Variants in SPTBN1 observed in about 807,000 individuals in gnomAD.
The protein encoded by SPTBN1 is spectrin beta, non-erythrocytic 1.
In SPTBN1, 32 loss-of-function variants were observed where a neutral mutation model predicts 266.4. The ratio of observed to expected loss-of-function variants is 0.12; its 90% confidence interval spans 0.09 to 0.16. The LOEUF (loss-of-function observed/expected upper bound fraction) is 0.16, where lower values mean the gene tolerates loss of function less well. Among genes scored for constraint, SPTBN1 ranks in the 10% least tolerant of loss-of-function variants. The pLI, the probability that SPTBN1 is intolerant of heterozygous loss-of-function variation, is 1.00. For synonymous variants in SPTBN1, 1,336 were observed against 1,162.2 expected (o/e 1.15, Z -3.04); for missense variants, 2,296 against 3,067.1 (o/e 0.75, Z 5.94).
At chr2:54,568,259 T>C (rs1673803024) in intron 2 of SPTBN1, among the ~76,000 whole-genome samples, 1 of 148,612 alleles carries the variant, frequency 6.7e-6, no homozygotes, top group East Asian at 2.0e-4. Flanking sequence ...CGCACATGTG[T>C]AATCCCAGCT....
intron 26 of SPTBN1, chr2:54,652,977 G>C (rs1305942089): frequency 2.0e-5 from 3 of 151,780 alleles, no homozygotes; most frequent in African/African-American, 7.3e-5. Context: ...TGTACCATTG[G>C]CTCCATTTAC....
At chr2:54,579,912 T>C (rs1203238445) in intron 2 of SPTBN1, among the ~76,000 whole-genome samples, 2 of 152,256 alleles carry the variant, frequency 1.3e-5, no homozygotes, top group African/African-American at 2.4e-5. Context: ...ACCTCTGTGC[T>C]GAACTTGAAT....
intron 34 of SPTBN1, 38 bp downstream of exon 34, chr2:54,666,126 T>C (rs754545266): frequency 6.3e-7 from 1 of 1,575,296 alleles, no homozygotes; most frequent in South Asian, 1.2e-5. Context: ...CAGAGTGGGT[T>C]TGCATTTACT....
At chr2:54,494,931 T>A (rs374197482) in intron 1 of SPTBN1, among the ~76,000 whole-genome samples, 1 of 147,836 alleles carries the variant, frequency 6.8e-6, no homozygotes, top group African/African-American at 2.5e-5. Context: ...AAAAAAAAAA[T>A]GTCCTGAAAA....
chr2:54,522,351 T>G (rs1376602371), intron 1 of SPTBN1, among the ~76,000 whole-genome samples: 1 of 152,096 alleles, frequency 6.6e-6, no homozygotes, highest in African/African-American at 2.4e-5. Context: ...ATCTGTGGGC[T>G]GGGCAAGGTA....
intron 1 of SPTBN1, among the ~76,000 whole-genome samples, chr2:54,458,100 G>A (rs545120357): frequency 3.9e-5 from 6 of 152,308 alleles, no homozygotes; most frequent in Non-Finnish European, 8.8e-5. Flanking sequence ...TTTTTTCTAC[G>A]TGAAAAGTTG....
At chr2:54,656,884 G>C (rs553404020) in intron 29 of SPTBN1, among the ~76,000 whole-genome samples, 1 of 152,178 alleles carries the variant, frequency 6.6e-6, no homozygotes, top group Non-Finnish European at 1.5e-5. Context: ...GCACCAGCTT[G>C]TACACCAGGG....
At chr2:54,532,911 A>G (rs1573357076) in intron 2 of SPTBN1, among the ~76,000 whole-genome samples, 1 of 152,110 alleles carries the variant, frequency 6.6e-6, no homozygotes, top group Non-Finnish European at 1.5e-5. Context: ...CTTCTTAACT[A>G]TTTCTCGGAT....
At chr2:54,637,188 G>C (rs190979759) in intron 17 of SPTBN1, among the ~76,000 whole-genome samples, 2 of 152,152 alleles carry the variant, frequency 1.3e-5, no homozygotes, top group Admixed American at 6.5e-5. Flanking sequence ...AAGTGGGATT[G>C]AGTTAGTATA....
At chr2:54,667,752 T>A (rs1681458701) in intron 35 of SPTBN1, 106 bp downstream of exon 35, 2 of 1,054,980 alleles carry the variant, frequency 1.9e-6, no homozygotes, top group South Asian at 2.7e-5. Context: ...TGATCAGTGA[T>A]GGTTTCTATC....
At position 54,626,599 on chromosome 2, in the gene SPTBN1, G is replaced by A. The variant is rs1432181617; in HGVS notation, c.1644+365G>A. On this transcript the variant is annotated intron_variant, in intron 12 of 35. Transcript: ENST00000356805. This position sits in a 1 kb window ranked among gnomAD's most constrained non-coding sequence, Gnocchi z 4.7. ...GGTACTACTTTGGGCAGGGGTCCCGGAGAGGTGGTATGGGGAGAAGGGAGG... is the reference window on the plus strand; with the variant it reads ...GGTACTACTTTGGGCAGGGGTCCCGAAGAGGTGGTATGGGGAGAAGGGAGG... Among the ~76,000 whole-genome samples, 1 of 152,210 alleles carries A rather than the reference G, an allele frequency of 6.6e-6. No individual in the cohort carries two copies. The highest frequency in any genetic ancestry group is 2.4e-5 in the African/African-American group (1 of 41,460).
chr2:54,600,722 T>G (rs1676443621), intron 3 of SPTBN1, among the ~76,000 whole-genome samples: 1 of 151,724 alleles, frequency 6.6e-6, no homozygotes, highest in East Asian at 1.9e-4. Context: ...TGATTTTTTT[T>G]TTTTTTTTGT....
chr2:54,483,995 G>C (rs1668222879), intron 1 of SPTBN1, among the ~76,000 whole-genome samples: 1 of 152,126 alleles, frequency 6.6e-6, no homozygotes, highest in African/African-American at 2.4e-5. Flanking sequence ...AGGGGTTCGA[G>C]ACCAGCCTGG....
intron 2 of SPTBN1, among the ~76,000 whole-genome samples, chr2:54,557,208 C>G (rs1487904879): frequency 1.3e-5 from 2 of 152,136 alleles, no homozygotes; most frequent in Non-Finnish European, 2.9e-5. Context: ...GGACAGGATG[C>G]AGTTACTTCA....
chr2:54,603,656 C>G (rs942141180), intron 3 of SPTBN1, among the ~76,000 whole-genome samples: 6 of 152,142 alleles, frequency 3.9e-5, no homozygotes, highest in African/African-American at 1.4e-4. Context: ...AACTAATACT[C>G]CTCTGAAAGC....
At chr2:54,482,225 C>T (rs957423022) in intron 1 of SPTBN1, among the ~76,000 whole-genome samples, 7 of 151,962 alleles carry the variant, frequency 4.6e-5, no homozygotes, top group Non-Finnish European at 8.8e-5. Context: ...TAAAAAAATG[C>T]AGGTGTCAGC....
At chr2:54,640,627 C>G (rs1055527704) in intron 18 of SPTBN1, among the ~76,000 whole-genome samples, 2 of 150,058 alleles carry the variant, frequency 1.3e-5, no homozygotes, top group African/African-American at 5.0e-5. Context: ...TCTCAGCTCA[C>G]TACAGCCCCC....
chr2:54,464,030 A>G (rs898504872), intron 1 of SPTBN1, among the ~76,000 whole-genome samples: 3 of 152,212 alleles, frequency 2.0e-5, no homozygotes, highest in African/African-American at 7.2e-5. Flanking sequence ...CACTTAATGG[A>G]TAGATATTAT....
intron 2 of SPTBN1, among the ~76,000 whole-genome samples, chr2:54,548,377 G>A (rs1672369735): frequency 6.6e-6 from 1 of 152,186 alleles, no homozygotes; most frequent in South Asian, 2.1e-4. Flanking sequence ...ACCGCATCCT[G>A]GGCTGTCATT....
Sources: gnomAD v4.1 joint callset for allele counts (sites outside exome capture counted in the v4.1 genomes callset) on GRCh38, gnomAD v4.1.1 for gene constraint, Gnocchi (gnomAD v3.1) non-coding constraint, MANE v1.5 for transcripts, NCBI Gene and HGNC (gene_info 2026-07-23, HGNC 2026-07-21) for gene names.